The following ZNF169 variants were observed in gnomAD, a reference collection of about 807,000 sequenced individuals.
ZNF169 encodes the protein zinc finger protein 169.
Under a neutral mutation model 12.0 loss-of-function variants are expected in ZNF169, and 11 were observed. The observed-to-expected ratio is 0.92, with a 90% CI of 0.58 to 1.52. ZNF169 has a LOEUF of 1.52. Among genes scored for constraint, ZNF169 ranks in the 40% most tolerant of loss-of-function variants. ZNF169 has a pLI of 0.00. For synonymous variants in ZNF169, 302 were observed against 286.5 expected (o/e 1.05, Z -0.55); for missense variants, 722 against 744.0 (o/e 0.97, Z 0.34).
intron 1 of ZNF169, among the ~76,000 whole-genome samples, chr9:94,275,782 A>G (rs1214828730): frequency 2.1e-5 from 3 of 143,042 alleles, no homozygotes; most frequent in Non-Finnish European, 3.0e-5. Flanking sequence ...GCTCTGCACT[A>G]TCTGTTTTTT....
At chr9:94,296,814 G>A in intron 4 of ZNF169, 2 of 456,534 alleles carry the variant, frequency 4.4e-6, no homozygotes, top group South Asian at 1.5e-5. Flanking sequence ...GGGAAGCTTA[G>A]GCAGGCGGAT....
At chr9:94,278,594 C>CT (rs910817610) in intron 1 of ZNF169, among the ~76,000 whole-genome samples, 164 bp from the exon 2 acceptor site, 4 of 152,274 alleles carry the variant, frequency 2.6e-5, no homozygotes, top group Non-Finnish European at 5.9e-5. Context: ...GCTCTGTGGG[C>CT]TTTTTTTATG....
intron 2 of ZNF169, among the ~76,000 whole-genome samples, chr9:94,291,261 C>T (rs1452549722): frequency 6.6e-6 from 1 of 151,914 alleles, no homozygotes; most frequent in Non-Finnish European, 1.5e-5. Context: ...ACCATCTTGG[C>T]CAGGCTGGTC....
chr9:94,294,076 T>C (rs1830901532), intron 4 of ZNF169: 1 of 152,226 alleles, frequency 6.6e-6, no homozygotes, highest in Admixed American at 6.5e-5. Flanking sequence ...TTTCCAACTT[T>C]TTGGCTATGA....
intron 2 of ZNF169, chr9:94,287,953 T>G: frequency 1.2e-6 from 1 of 832,692 alleles, no homozygotes; most frequent in East Asian, 2.5e-5. Flanking sequence ...TCCAACTTCT[T>G]GTTCACCTTC....
rs945328268 is a variant in ZNF169, at chr9:94,301,576, C to T, written c.*206C>T. On this transcript the variant is annotated 3_prime_UTR_variant, in exon 5 of 5. Transcript: ENST00000395395. ...ACCCCAGGCTGGGTGATTTTGACAA[C>T]GGAAATATATTTTCATATTTATGGA... 15 of 897,560 alleles carry T rather than the reference C, an allele frequency of 1.7e-5. No individual in the cohort carries two copies. The highest frequency in any genetic ancestry group is 7.1e-4 in the Middle Eastern group (2 of 2,822). The allele number at this position is 897,560 out of a possible 1,614,324, so 55.6% of individuals were successfully genotyped here.
intron 2 of ZNF169, among the ~76,000 whole-genome samples, chr9:94,289,704 C>T (rs1319306956): frequency 1.3e-5 from 2 of 152,104 alleles, no homozygotes; most frequent in East Asian, 3.9e-4. Flanking sequence ...GCAGGAGAAT[C>T]ACTTGCATTC....
At chr9:94,297,615 CAAAG>C (rs1476806421) in intron 4 of ZNF169, among the ~76,000 whole-genome samples, 1 of 152,076 alleles carries the variant, frequency 6.6e-6, no homozygotes, top group African/African-American at 2.4e-5. Context: ...ATCAATGATA[CAAAG>C]AGTTTTTCTT....
intron 4 of ZNF169, among the ~76,000 whole-genome samples, chr9:94,298,046 A>C (rs1465864419): frequency 1.3e-5 from 2 of 151,980 alleles, no homozygotes; most frequent in African/African-American, 4.8e-5. Context: ...GTGCGCCTGT[A>C]ATCCCAGCTA....
At chr9:94,285,197 G>A (rs769474727) in intron 2 of ZNF169, among the ~76,000 whole-genome samples, 36 of 152,122 alleles carry the variant, frequency 2.4e-4, no homozygotes, top group Non-Finnish European at 1.5e-4. Context: ...AAAAGAACAC[G>A]CTTGAGATAA....
Position 94,300,850 on chromosome 9 carries a change from T to C in ZNF169, c.1292T>C (p.Leu431Pro). Residue 431 changes from leucine to proline, a missense_variant, in exon 5 of 5, where the codon CTG becomes CCG. By Grantham distance (98) the Leu-to-Pro change is moderately conservative (BLOSUM62 -3). Transcript: ENST00000395395. ...QRTHTGEKPY[L>P]CPQCGRGFSQ... The stretch of plus-strand genomic sequence containing the variant: ...ACACACACAGGGGAGAAGCCTTACC[T>C]GTGCCCCCAGTGTGGGCGGGGTTTT... 6.2e-7 allele frequency: 1 copy of C among 1,614,146 alleles called. No homozygotes were observed. Among genetic ancestry groups the C allele is most frequent in the Non-Finnish European group, 8.5e-7 (1 of 1,180,000 alleles).
chr9:94,290,841 A>G (rs1353158307), intron 2 of ZNF169, among the ~76,000 whole-genome samples: 1 of 152,128 alleles, frequency 6.6e-6, no homozygotes, highest in African/African-American at 2.4e-5. Flanking sequence ...AGGAACTGCC[A>G]AACTGTTTTT....
intron 1 of ZNF169, among the ~76,000 whole-genome samples, chr9:94,262,114 C>T (rs983563861): frequency 6.6e-6 from 1 of 152,190 alleles, no homozygotes; most frequent in Non-Finnish European, 1.5e-5. Flanking sequence ...TATATGAGGA[C>T]TCCACGGCTG....
At chr9:94,266,716 A>G (rs1587668815) in intron 1 of ZNF169, among the ~76,000 whole-genome samples, 1 of 152,216 alleles carries the variant, frequency 6.6e-6, no homozygotes, top group East Asian at 1.9e-4. Context: ...AATTGTAGAA[A>G]ATAATAAAAA....
At chr9:94,262,072 C>T (rs952171705) in intron 1 of ZNF169, among the ~76,000 whole-genome samples, 1 of 152,190 alleles carries the variant, frequency 6.6e-6, no homozygotes, top group Non-Finnish European at 1.5e-5. Context: ...AGAATTACTT[C>T]CATTGTCCTT....
chr9:94,269,004 C>CAT (rs1220873859), intron 1 of ZNF169, among the ~76,000 whole-genome samples: 3 of 151,820 alleles, frequency 2.0e-5, no homozygotes, highest in Non-Finnish European at 4.4e-5. Flanking sequence ...CACATGCACA[C>CAT]ATATATATAC....
rs1212983689 is a variant in ZNF169, at chr9:94,300,157, TG to T, written c.600del (p.Met200IlefsTer2). The T allele has an allele frequency of 1.9e-6, 3 of 1,613,858 alleles. No homozygotes were observed. The highest frequency in any genetic ancestry group is 2.5e-6 in the Non-Finnish European group (3 of 1,180,000). Reference sequence around the variant, plus strand: ...ATGAGTCTTGGGGGGTCAGACACAATGTTGAAGGGAGCAGACACTTCAGAAT... The same window carrying T: ...ATGAGTCTTGGGGGGTCAGACACAATTTGAAGGGAGCAGACACTTCAGAAT... ...QRMSLGGSDT[M>X]LKGADTSESG... On this transcript the variant is annotated frameshift_variant, in exon 5 of 5. Coordinates refer to ENST00000395395, the MANE Select transcript of ZNF169 (RefSeq NM_194320.4). LOFTEE classifies it low-confidence loss of function (END_TRUNC).
intron 1 of ZNF169, among the ~76,000 whole-genome samples, chr9:94,260,420 C>G (rs1830181102): frequency 1.3e-5 from 2 of 151,938 alleles, no homozygotes; most frequent in African/African-American, 4.8e-5. Context: ...AGCTTGGCCA[C>G]TAGGACCCGG....
chr9:94,270,966 ATT>A (rs1491352852), intron 1 of ZNF169, among the ~76,000 whole-genome samples: 2 of 10,244 alleles, frequency 2.0e-4, no homozygotes, highest in Non-Finnish European at 3.0e-4. Flanking sequence ...TAAATAATAT[ATT>A]ATATATTATA....
Sources: allele counts gnomAD v4.1 joint callset (sites outside exome capture counted in the v4.1 genomes callset), GRCh38; gene constraint gnomAD v4.1.1; transcripts MANE v1.5; gene names NCBI Gene and HGNC (gene_info 2026-07-23, HGNC 2026-07-21).